YTHDC2: variants seen among roughly 807,000 people sequenced by gnomAD.
YTHDC2 encodes the protein YTH N6-methyladenosine RNA binding protein C2, also known as 3'-5' RNA helicase YTHDC2.
Under a neutral mutation model 174.9 loss-of-function variants are expected in YTHDC2, and 45 were observed. The ratio of observed to expected loss-of-function variants is 0.26; its 90% CI spans 0.20 to 0.33. YTHDC2 has a LOEUF of 0.33. Ranked by LOEUF, YTHDC2 falls within the 10% of genes least tolerant of loss-of-function variation. The probability of loss-of-function intolerance (pLI) is 1.00; values close to 1 mark genes in which losing one functional copy is unlikely to be tolerated. For synonymous variants in YTHDC2, 657 were observed against 574.5 expected, an observed-to-expected ratio of 1.14 and a Z score of -2.05; for missense variants, 1,650 against 1,723.7, an observed-to-expected ratio of 0.96 and a Z score of 0.76.
chr5:113,572,481 C>T (rs925609287), intron 23 of YTHDC2, among the ~76,000 whole-genome samples: 4 of 152,208 alleles, frequency 2.6e-5, no homozygotes, highest in African/African-American at 9.7e-5. Flanking sequence ...TCTATCAGGT[C>T]CACTTGATCC....
intron 26 of YTHDC2, among the ~76,000 whole-genome samples, chr5:113,587,935 C>G (rs1473020073): frequency 2.2e-4 from 33 of 151,972 alleles, no homozygotes; most frequent in Admixed American, 2.2e-3. Flanking sequence ...TAATTTCTCT[C>G]AACAATGTTT....
At chr5:113,555,997 A>C in intron 16 of YTHDC2, 55 bp from the exon 17 acceptor site, 1 of 1,096,972 alleles carries the variant, frequency 9.1e-7, no homozygotes, top group Non-Finnish European at 1.3e-6. Context: ...CATTCTTGCT[A>C]TTACCTTTTA....
intron 7 of YTHDC2, 55 bp downstream of exon 7, chr5:113,535,853 C>T: frequency 7.1e-7 from 1 of 1,417,928 alleles, no homozygotes; most frequent in Non-Finnish European, 9.5e-7. Context: ...CACTTTTGGA[C>T]ATTATTTATC....
At chr5:113,557,772 C>G (rs1776711355) in intron 17 of YTHDC2, among the ~76,000 whole-genome samples, 1 of 151,980 alleles carries the variant, frequency 6.6e-6, no homozygotes. Context: ...TCTACTCCAG[C>G]CGGAGCGACA....
intron 4 of YTHDC2, among the ~76,000 whole-genome samples, chr5:113,532,450 C>T (rs370428990): frequency 6.6e-5 from 10 of 151,934 alleles, no homozygotes; most frequent in South Asian, 2.1e-4. Context: ...TGTTTTTTAA[C>T]GCTTTTCATT....
intron 2 of YTHDC2, among the ~76,000 whole-genome samples, chr5:113,517,258 A>T (rs548912462): frequency 9.8e-5 from 15 of 152,304 alleles, no homozygotes; most frequent in African/African-American, 3.6e-4. Flanking sequence ...GGTTACTGCA[A>T]ACTTAAAAGT....
chr5:113,567,169 G>T lies in YTHDC2; in HGVS notation c.2920G>T (p.Ala974Ser). ...TGAGAATTGGGCTGTCGTTAAAGCT[G>T]CATTGGTGGCAGGCATGTATCCTAA... ...NSENWAVVKA[A>S]LVAGMYPNLV... Residue 974 changes from alanine to serine, a missense_variant, in exon 22 of 30, where the codon GCA becomes TCA. Ala to Ser is a moderately conservative substitution (Grantham distance 99, BLOSUM62 1). Transcript: ENST00000161863. The T allele has an allele frequency of 6.2e-7, 1 of 1,613,862 alleles. No individual in the cohort carries two copies. Among genetic ancestry groups the T allele is most frequent in the Non-Finnish European group, 8.5e-7 (1 of 1,179,936 alleles).
intron 17 of YTHDC2, among the ~76,000 whole-genome samples, chr5:113,558,748 C>G (rs1776767125): frequency 1.3e-5 from 2 of 151,710 alleles, no homozygotes; most frequent in African/African-American, 2.4e-5. Context: ...ATGGTGAAAC[C>G]CTGTCTCTAA....
At chr5:113,590,977 T>C (rs1778972578) in intron 26 of YTHDC2, 64 bp from the exon 27 acceptor site, 1 of 1,383,672 alleles carries the variant, frequency 7.2e-7, no homozygotes, top group Non-Finnish European at 9.9e-7. Flanking sequence ...AGATGTTATT[T>C]AATGGAGCCT....
chr5:113,555,640 C>T lies in YTHDC2; in HGVS notation c.2134-412C>T, dbSNP rs112068350. Among the ~76,000 whole-genome samples, 454 of 151,228 alleles carry T rather than the reference C, an allele frequency of 3.0e-3. 3 individuals are homozygous for T. The highest frequency in any genetic ancestry group is 0.01 in the African/African-American group (425 of 41,502). On this transcript the variant is annotated intron_variant, in intron 16 of 29. Transcript: ENST00000161863. ...ATTCTTACTCCACAAGGTTAGGTCC[C>T]TGAAAAGTATTTCAGAAAATGTCTT...
At chr5:113,584,554 A>G (rs1778574480) in intron 26 of YTHDC2, 75 bp downstream of exon 26, 1 of 1,253,610 alleles carries the variant, frequency 8.0e-7, no homozygotes, top group African/African-American at 1.5e-5. Context: ...TAAAATTGTA[A>G]AACAATTAGA....
chr5:113,522,542 C>T (rs193019936), intron 2 of YTHDC2, among the ~76,000 whole-genome samples: 3 of 152,226 alleles, frequency 2.0e-5, no homozygotes, highest in Admixed American at 2.0e-4. Context: ...TTAAAAAACT[C>T]TTGTGAATTT....
chr5:113,579,525 A>T, intron 23 of YTHDC2, 61 bp from the exon 24 acceptor site: 1 of 1,246,104 alleles, frequency 8.0e-7, no homozygotes, highest in Non-Finnish European at 1.1e-6. Context: ...TATTCTTCTT[A>T]GTTTTTTGCC....
At chr5:113,591,531 T>G (rs888378236) in intron 27 of YTHDC2, among the ~76,000 whole-genome samples, 2 of 152,200 alleles carry the variant, frequency 1.3e-5, no homozygotes, top group African/African-American at 2.4e-5. Flanking sequence ...AAGCTTGACC[T>G]TTTGGTAAAA....
chr5:113,576,362 A>G (rs901478814), intron 23 of YTHDC2, among the ~76,000 whole-genome samples: 4 of 152,198 alleles, frequency 2.6e-5, no homozygotes, highest in Admixed American at 2.6e-4. Flanking sequence ...TGAAGAGAGT[A>G]GAAATAGTAT....
chr5:113,541,213 A>G (rs1775435560), intron 9 of YTHDC2, 97 bp downstream of exon 9: 2 of 1,214,184 alleles, frequency 1.6e-6, no homozygotes, highest in Non-Finnish European at 2.3e-6. Context: ...TTTTTTTGAG[A>G]TGGAGTCTGG....
At chr5:113,565,587 C>A in intron 20 of YTHDC2, 3 of 193,390 alleles carry the variant, frequency 1.6e-5, no homozygotes, top group Non-Finnish European at 3.2e-5. Flanking sequence ...AGTTGAAAAC[C>A]TATACTTTTG....
At chr5:113,570,610 A>G (rs1250712747) in intron 23 of YTHDC2, among the ~76,000 whole-genome samples, 2 of 152,090 alleles carry the variant, frequency 1.3e-5, no homozygotes, top group East Asian at 3.9e-4. Context: ...TATCAACTAC[A>G]AACAAAGATA....
At chr5:113,532,354 G>C (rs1461910463) in intron 4 of YTHDC2, among the ~76,000 whole-genome samples, 1 of 151,952 alleles carries the variant, frequency 6.6e-6, no homozygotes, top group Non-Finnish European at 1.5e-5. Flanking sequence ...GCAGGGAGTA[G>C]GTAAGATTTT....
Sources: gnomAD v4.1 joint callset for allele counts (sites outside exome capture counted in the v4.1 genomes callset) on GRCh38, gnomAD v4.1.1 for gene constraint, MANE v1.5 for transcripts, NCBI Gene and HGNC (gene_info 2026-07-23, HGNC 2026-07-21) for gene names.